Variants in PTCHD4 observed in about 807,000 individuals in gnomAD.
PTCHD4 encodes patched domain-containing protein 4.
PTCHD4 carries 33 observed loss-of-function variants against 58.1 expected under a neutral mutation model. The observed-to-expected ratio is 0.57, with a 90% CI of 0.43 to 0.76. The LOEUF (loss-of-function observed/expected upper bound fraction) is 0.76, where lower values mean the gene tolerates loss of function less well. Among genes scored for constraint, PTCHD4 ranks in the 30% least tolerant of loss-of-function variants. The probability of loss-of-function intolerance (pLI) is 0.00; values close to 1 mark genes in which losing one functional copy is unlikely to be tolerated. For missense variants in PTCHD4, 1,058 were observed against 1,027.1 expected (o/e 1.03, Z -0.41); for synonymous variants, 478 against 409.6 (o/e 1.17, Z -2.02).
chr6:48,010,908 T>G (rs1338918647), intron 3 of PTCHD4, among the ~76,000 whole-genome samples: 3 of 152,202 alleles, frequency 2.0e-5, no homozygotes, highest in African/African-American at 7.2e-5. Context: ...GGACATGAAC[T>G]CATCCATTTT....
intron 1 of PTCHD4, among the ~76,000 whole-genome samples, chr6:48,075,437 G>A (rs1765045147): frequency 1.4e-5 from 2 of 147,446 alleles, no homozygotes; most frequent in African/African-American, 2.5e-5. Flanking sequence ...CAAGTTTTGT[G>A]GGTTTTTTTT....
chr6:47,924,851 C>T (rs1765546523), intron 4 of PTCHD4, among the ~76,000 whole-genome samples: 1 of 152,048 alleles, frequency 6.6e-6, no homozygotes, highest in African/African-American at 2.4e-5. Flanking sequence ...CGTAAACACC[C>T]TCTCCCCAAC....
intron 1 of PTCHD4, among the ~76,000 whole-genome samples, chr6:48,089,480 A>T (rs950948353): frequency 4.6e-5 from 7 of 152,248 alleles, no homozygotes; most frequent in African/African-American, 1.7e-4. Flanking sequence ...ATTTAGTCAT[A>T]TAGTCATTGT....
chr6:48,077,197 C>T (rs796199856), intron 1 of PTCHD4, among the ~76,000 whole-genome samples: 5 of 152,254 alleles, frequency 3.3e-5, no homozygotes, highest in African/African-American at 1.2e-4. Context: ...ATTTGTTTAG[C>T]ACAGGTGGAA....
At chr6:47,978,966 C>A (rs929161057) in intron 4 of PTCHD4, among the ~76,000 whole-genome samples, 3 of 151,952 alleles carry the variant, frequency 2.0e-5, no homozygotes, top group Middle Eastern at 3.2e-3. Context: ...TATGAATATT[C>A]TATTTATTCT....
intron 3 of PTCHD4, among the ~76,000 whole-genome samples, chr6:48,044,157 C>T (rs1420468272): frequency 6.6e-6 from 1 of 151,760 alleles, no homozygotes; most frequent in Non-Finnish European, 1.5e-5. Context: ...CATCCTAAGG[C>T]AGTTTCATGA....
chr6:47,946,900 G>T (rs1043848654), intron 4 of PTCHD4, among the ~76,000 whole-genome samples: 2 of 152,066 alleles, frequency 1.3e-5, no homozygotes, highest in African/African-American at 4.8e-5. Flanking sequence ...GTAGAGTGCA[G>T]TGCCATGATC....
rs1408485192 is a variant in PTCHD4, at chr6:47,875,342, T to C, written c.*2961A>G. On this transcript the variant is annotated 3_prime_UTR_variant, in exon 5 of 5. Transcript: ENST00000339488. The stretch of plus-strand genomic sequence containing the variant: ...GTTGGGATTGGGGGTGACCTGCAAG[T>C]CATGATCTCATATCTTAGGATGTAT... 6.6e-6 allele frequency among the ~76,000 whole-genome samples: 1 copy of C among 151,808 alleles called. No individual in the cohort carries two copies. The highest frequency in any genetic ancestry group is 1.5e-5 in the Non-Finnish European group (1 of 67,868).
intron 1 of PTCHD4, among the ~76,000 whole-genome samples, chr6:48,099,301 T>C (rs1160630485): frequency 1.3e-5 from 2 of 152,198 alleles, no homozygotes; most frequent in Non-Finnish European, 2.9e-5. Flanking sequence ...TAACGGGCCT[T>C]GAAGAAGCAG....
chr6:47,954,757 TG>T (rs1231387096), intron 4 of PTCHD4, among the ~76,000 whole-genome samples: 1 of 152,248 alleles, frequency 6.6e-6, no homozygotes. Flanking sequence ...TCCAGAACCT[TG>T]CTACTCCCCT....
intron 1 of PTCHD4, among the ~76,000 whole-genome samples, chr6:48,090,958 G>A (rs905195577): frequency 2.0e-5 from 3 of 152,134 alleles, no homozygotes; most frequent in Admixed American, 2.0e-4. Context: ...TTACAAACAA[G>A]TGTGAACCTG....
rs1764932246 is a variant in PTCHD4, at chr6:48,069,542, A to G, written c.-585T>C. On this transcript the variant is annotated 5_prime_UTR_variant, in exon 2 of 5. Transcript: ENST00000339488. Reference sequence around the variant, plus strand: ...CACCTTCCTCGCTGTGATTCCACAGACCAGTCCGCTGCAGCTGAGGGCTGC... The same window carrying G: ...CACCTTCCTCGCTGTGATTCCACAGGCCAGTCCGCTGCAGCTGAGGGCTGC... 6.6e-6 allele frequency among the ~76,000 whole-genome samples: 1 copy of G among 152,166 alleles called. No individual in the cohort carries two copies. The highest frequency in any genetic ancestry group is 2.1e-4 in the South Asian group (1 of 4,826).
At chr6:47,950,051 C>T (rs1336942231) in intron 4 of PTCHD4, among the ~76,000 whole-genome samples, 1 of 131,934 alleles carries the variant, frequency 7.6e-6, no homozygotes, top group African/African-American at 2.8e-5. Flanking sequence ...CCACAACAGG[C>T]CCCGGAGTGT....
chr6:47,881,413 A>G (rs1764018144), intron 4 of PTCHD4, among the ~76,000 whole-genome samples: 1 of 152,180 alleles, frequency 6.6e-6, no homozygotes, highest in Non-Finnish European at 1.5e-5. Flanking sequence ...GGACAATGCA[A>G]TGTAACTGAA....
intron 3 of PTCHD4, among the ~76,000 whole-genome samples, chr6:48,025,554 A>G (rs1025377422): frequency 6.6e-6 from 1 of 152,188 alleles, no homozygotes; most frequent in Non-Finnish European, 1.5e-5. Context: ...TCTCTTCTTT[A>G]GAGAGATTAT....
chr6:47,926,647 A>G (rs1765626174), intron 4 of PTCHD4, among the ~76,000 whole-genome samples: 1 of 152,194 alleles, frequency 6.6e-6, no homozygotes. Flanking sequence ...ATTTTATTTC[A>G]TAGGTAAAAT....
intron 3 of PTCHD4, among the ~76,000 whole-genome samples, chr6:48,046,712 T>C (rs972022158): frequency 3.9e-5 from 6 of 151,974 alleles, no homozygotes; most frequent in African/African-American, 1.4e-4. Flanking sequence ...TCCTGCAGTA[T>C]AACATCTAAT....
At chr6:48,043,487 T>C (rs1401555920) in intron 3 of PTCHD4, among the ~76,000 whole-genome samples, 2 of 151,918 alleles carry the variant, frequency 1.3e-5, no homozygotes, top group African/African-American at 2.4e-5. Flanking sequence ...TATCTCACTA[T>C]TTTTTATCTT....
intron 4 of PTCHD4, among the ~76,000 whole-genome samples, chr6:47,944,767 A>C (rs1266258652): frequency 1.3e-5 from 2 of 152,112 alleles, no homozygotes; most frequent in Non-Finnish European, 2.9e-5. Context: ...CATTTATTGA[A>C]GACCTACTCT....
Sources: allele counts gnomAD v4.1 joint callset (sites outside exome capture counted in the v4.1 genomes callset), GRCh38; gene constraint gnomAD v4.1.1; transcripts MANE v1.5; gene names NCBI Gene and HGNC (gene_info 2026-07-23, HGNC 2026-07-21).